Variants in GRM1 observed in about 807,000 individuals in gnomAD.
GRM1 encodes the protein glutamate metabotropic receptor 1, also known as metabotropic glutamate receptor 1.
Under a neutral mutation model 90.9 loss-of-function variants are expected in GRM1, and 33 were observed. The ratio of observed to expected loss-of-function variants is 0.36; its 90% CI spans 0.28 to 0.49. The LOEUF (loss-of-function observed/expected upper bound fraction) is 0.49. Among genes scored for constraint, GRM1 ranks in the 20% least tolerant of loss-of-function variants. The pLI is 0.99. For synonymous variants in GRM1, 700 were observed against 613.2 expected, an observed-to-expected ratio of 1.14 and a Z score of -2.09; for missense variants, 1,190 against 1,534.3, an observed-to-expected ratio of 0.78 and a Z score of 3.75.
At chr6:146,321,385 C>T (rs979622356) in intron 3 of GRM1, among the ~76,000 whole-genome samples, 1 of 152,100 alleles carries the variant, frequency 6.6e-6, no homozygotes, top group African/African-American at 2.4e-5. Flanking sequence ...ATTTTACTTC[C>T]AATTATGTGG....
At chr6:146,125,839 A>G (rs1342141848) in intron 1 of GRM1, among the ~76,000 whole-genome samples, 1 of 152,100 alleles carries the variant, frequency 6.6e-6, no homozygotes, top group African/African-American at 2.4e-5. Context: ...GAAGCAGCCT[A>G]TTCTGAAAAT....
intron 1 of GRM1, among the ~76,000 whole-genome samples, chr6:146,144,479 G>A (rs1235321290): frequency 6.6e-6 from 1 of 152,182 alleles, no homozygotes; most frequent in Non-Finnish European, 1.5e-5. Flanking sequence ...GGACTCTGCA[G>A]TGTCCCCACT....
chr6:146,144,740 A>G (rs1331726503), intron 1 of GRM1, among the ~76,000 whole-genome samples: 1 of 152,202 alleles, frequency 6.6e-6, no homozygotes, highest in Non-Finnish European at 1.5e-5. Flanking sequence ...CAGGCTAGAA[A>G]GATCTGTGTC....
chr6:146,154,552 A>G (rs752469740), intron 1 of GRM1, among the ~76,000 whole-genome samples: 1 of 152,184 alleles, frequency 6.6e-6, no homozygotes, highest in Non-Finnish European at 1.5e-5. Flanking sequence ...TGTTTGAATT[A>G]AGAGAAAAAT....
intron 5 of GRM1, among the ~76,000 whole-genome samples, chr6:146,380,386 T>C (rs912845489): frequency 1.3e-5 from 2 of 150,356 alleles, no homozygotes; most frequent in African/African-American, 4.9e-5. Flanking sequence ...CTTTGGCATC[T>C]TTCCAAAGGT....
intron 2 of GRM1, among the ~76,000 whole-genome samples, chr6:146,176,253 G>A (rs1291156056): frequency 2.6e-5 from 4 of 151,956 alleles, no homozygotes; most frequent in African/African-American, 7.2e-5. Context: ...TCCTTTAACT[G>A]GCAATAGTCA....
At chr6:146,344,456 T>C (rs1194196126) in intron 3 of GRM1, among the ~76,000 whole-genome samples, 3 of 152,208 alleles carry the variant, frequency 2.0e-5, no homozygotes, top group Non-Finnish European at 2.9e-5. Context: ...CCAGATAGAT[T>C]TGCATTAAGT....
intron 1 of GRM1, among the ~76,000 whole-genome samples, chr6:146,031,554 A>G (rs9322043): frequency 0.36 from 54,977 of 151,972 alleles, 10,794 homozygotes; most frequent in Middle Eastern, 0.5. Flanking sequence ...ACACATTATA[A>G]TTTCAGATTT....
intron 2 of GRM1, among the ~76,000 whole-genome samples, chr6:146,289,516 T>C (rs1290996851): frequency 6.6e-6 from 1 of 152,038 alleles, no homozygotes; most frequent in Non-Finnish European, 1.5e-5. Context: ...TAAGGTTAAT[T>C]TATTATGGAA....
chr6:146,271,669 A>G (rs1231988807), intron 2 of GRM1, among the ~76,000 whole-genome samples: 2 of 152,162 alleles, frequency 1.3e-5, no homozygotes, highest in African/African-American at 4.8e-5. Flanking sequence ...GCAGTCTGTC[A>G]CCTTAAAAAT....
At chr6:146,270,374 C>A (rs1296395832) in intron 2 of GRM1, among the ~76,000 whole-genome samples, 1 of 152,116 alleles carries the variant, frequency 6.6e-6, no homozygotes, top group Admixed American at 6.5e-5. Context: ...TTTATTAAAA[C>A]TTCTTCTGCC....
chr6:146,041,915 A>G (rs1174736076), intron 1 of GRM1, among the ~76,000 whole-genome samples: 1 of 151,996 alleles, frequency 6.6e-6, no homozygotes, highest in African/African-American at 2.4e-5. Flanking sequence ...GGCATGTCCA[A>G]GATCAAGGCA....
intron 2 of GRM1, among the ~76,000 whole-genome samples, chr6:146,244,950 G>A (rs1010724233): frequency 1.3e-5 from 2 of 152,168 alleles, no homozygotes; most frequent in Admixed American, 6.6e-5. Context: ...TTGCAAATTT[G>A]ATGACTGTGC....
intron 2 of GRM1, among the ~76,000 whole-genome samples, chr6:146,188,316 T>C (rs1778810551): frequency 6.6e-6 from 1 of 152,160 alleles, no homozygotes; most frequent in Admixed American, 6.5e-5. Flanking sequence ...ACAAAAACAA[T>C]TTTAATGCCC....
intron 1 of GRM1, among the ~76,000 whole-genome samples, chr6:146,128,941 A>G (rs1193395576): frequency 6.6e-6 from 1 of 152,148 alleles, no homozygotes; most frequent in African/African-American, 2.4e-5. Flanking sequence ...ATTTTACATG[A>G]CCCAACTCGC....
rs564028855 is a variant in GRM1, at chr6:146,371,823, T to G, written c.1602+14129T>G. Among the ~76,000 whole-genome samples the G allele has an allele frequency of 2.0e-5, 3 of 152,280 alleles. No individual in the cohort carries two copies. In the East Asian group the frequency reaches 5.8e-4, roughly 29 times the overall value. ...ATTCTTTTTTATGGCTGTATAATAC[T>G]CCATTGTGTATATGCATTACCTTTT... On this transcript the variant is annotated intron_variant, in intron 5 of 7. Coordinates refer to ENST00000282753, the MANE Select transcript of GRM1 (RefSeq NM_001278064.2).
At chr6:146,088,349 G>T (rs1776613410) in intron 1 of GRM1, among the ~76,000 whole-genome samples, 1 of 151,850 alleles carries the variant, frequency 6.6e-6, no homozygotes, top group Non-Finnish European at 1.5e-5. Flanking sequence ...TATGTTCTTT[G>T]CCAGGTATGT....
intron 2 of GRM1, among the ~76,000 whole-genome samples, chr6:146,271,218 A>T (rs1256136126): frequency 6.6e-6 from 1 of 151,758 alleles, no homozygotes; most frequent in Non-Finnish European, 1.5e-5. Context: ...GTTGGCCAGG[A>T]TGGTCTTGAT....
Position 146,100,905 on chromosome 6 carries a change from C to T in GRM1, c.701-58443C>T, listed in dbSNP as rs150611397. Among the ~76,000 whole-genome samples the T allele has an allele frequency of 1.8e-3, 273 of 152,254 alleles. 2 individuals carry two copies. Among genetic ancestry groups the T allele is most frequent in the African/African-American group, 6.4e-3 (265 of 41,546 alleles). ...TTGAGGCCAGGAGTTCAAGACTAGC[C>T]TAGGCAACATAGTGAGATCCTGTTT... On this transcript the variant is annotated intron_variant, in intron 1 of 7. Coordinates refer to ENST00000282753, the MANE Select transcript of GRM1 (RefSeq NM_001278064.2).
Sources: allele counts gnomAD v4.1 joint callset (sites outside exome capture counted in the v4.1 genomes callset), GRCh38; gene constraint gnomAD v4.1.1; transcripts MANE v1.5; gene names NCBI Gene and HGNC (gene_info 2026-07-23, HGNC 2026-07-21).